CLPX: variants seen among roughly 807,000 people sequenced by gnomAD.
CLPX encodes caseinolytic mitochondrial matrix peptidase chaperone subunit X.
Under a neutral mutation model 76.4 loss-of-function variants are expected in CLPX, and 34 were observed. The observed-to-expected ratio is 0.45, with a 90% confidence interval of 0.34 to 0.59. The LOEUF (loss-of-function observed/expected upper bound fraction) is 0.59. Among genes scored for constraint, CLPX ranks in the 20% least tolerant of loss-of-function variants. CLPX has a pLI of 0.01. For synonymous variants in CLPX, 248 were observed against 270.9 expected (o/e 0.92, Z 0.83); for missense variants, 613 against 757.0 (o/e 0.81, Z 2.23).
At position 65,180,276 on chromosome 15, in the gene CLPX, G is replaced by A; in HGVS notation, c.80-72C>T. ...AATCCCCTGGAAACAAAAATTCCTT[G>A]AGCATAAAGGAGGTTGAAAAAAAGC... On this transcript the variant is annotated intron_variant, in intron 1 of 13. Transcript: ENST00000300107. 4.4e-6 allele frequency: 5 copies of A among 1,139,360 alleles called. No homozygotes were observed. The South Asian group carries it at 5.0e-5, about 11-fold the overall frequency. The allele number at this position is 1,139,360 out of a possible 1,614,324, so 70.6% of individuals were successfully genotyped here.
intron 8 of CLPX, 92 bp downstream of exon 8, chr15:65,157,654 C>T: frequency 8.3e-7 from 1 of 1,203,284 alleles, no homozygotes. Flanking sequence ...GAATTTTAGT[C>T]CTTGACTCAA....
chr15:65,156,804 T>C (rs762441698), intron 9 of CLPX, 40 bp downstream of exon 9: 5 of 1,320,832 alleles, frequency 3.8e-6, no homozygotes, highest in Non-Finnish European at 5.5e-6. Flanking sequence ...ATGTATTCCC[T>C]TCCTTTTAGT....
rs1278939627 is a variant in CLPX, at chr15:65,166,695, G to A, written c.449C>T (p.Pro150Leu). The change falls in exon 4 of 14, where the codon CCT becomes CTT. Residue 150 changes from proline to leucine, a missense_variant. Coordinates refer to ENST00000300107, the MANE Select transcript of CLPX (RefSeq NM_006660.5). ...TTTTACAGCTTCTGCTGCTGATTCA[G>A]GTTCTTTAATTATGCTTTTCTTTGA... ...ADSKKSIIKE[P>L]ESAAEAVKLA... The A allele has an allele frequency of 3.7e-6, 6 of 1,613,898 alleles. No homozygotes were observed. Among genetic ancestry groups the A allele is most frequent in the Non-Finnish European group, 5.1e-6 (6 of 1,179,990 alleles).
In CLPX at chr15:65,154,873, T is replaced by C. The variant is rs141503742; in HGVS notation, c.1520A>G (p.His507Arg). The change falls in exon 11 of 14, where the codon CAT (histidine) becomes CGT (arginine). Residue 507 changes from histidine (H) to arginine (R), a missense_variant. Physicochemically the swap from His to Arg is conservative, Grantham distance 29 (BLOSUM62 0). Coordinates refer to ENST00000300107, the MANE Select transcript of CLPX (RefSeq NM_006660.5). ...TACAAGTGTTTTCTCATCTAGGCTA[T>C]GCAATGGAACCACCACAGGCAACCG... ...VGRLPVVVPL[H>R]SLDEKTLVQI... 1 of 1,614,068 alleles carries C rather than the reference T, an allele frequency of 6.2e-7. No homozygotes were observed. The highest frequency in any genetic ancestry group is 8.5e-7 in the Non-Finnish European group (1 of 1,179,996).
Position 65,166,946 on chromosome 15 carries a change from A to T in CLPX, c.359-161T>A, listed in dbSNP as rs147842216. ...AAACAGCCTCATTTATATAGCAAGT[A>T]TACTACAAAGATAGATCAGTCAACT... On this transcript the variant is annotated intron_variant, in intron 3 of 13. Transcript: ENST00000300107. Among the ~76,000 whole-genome samples the T allele has an allele frequency of 3.9e-3, 587 of 152,374 alleles. 2 individuals are homozygous for T. The highest frequency in any genetic ancestry group is 1.0e-2 in the Admixed American group (153 of 15,306).
Position 65,149,021 on chromosome 15 carries a change from T to C in CLPX, c.*1802A>G, listed in dbSNP as rs1464201698. 1 of 152,200 alleles carries C rather than the reference T, an allele frequency of 6.6e-6. No homozygotes were observed. Among genetic ancestry groups the C allele is most frequent in the Admixed American group, 6.6e-5 (1 of 15,264 alleles). The allele number at this position is 152,200 out of a possible 1,614,324, so 9.4% of individuals were successfully genotyped here. ...AGCAAAACATAGATTTTTTAAAATGTTCTAAGAAGCCAAAGAATTAGACCA... is the reference window on the plus strand; with the variant it reads ...AGCAAAACATAGATTTTTTAAAATGCTCTAAGAAGCCAAAGAATTAGACCA... On this transcript the variant is annotated 3_prime_UTR_variant, in exon 14 of 14. Coordinates refer to ENST00000300107, the MANE Select transcript of CLPX (RefSeq NM_006660.5).
chr15:65,155,926 G>T, intron 9 of CLPX, 70 bp from the exon 10 acceptor site: 3 of 1,312,078 alleles, frequency 2.3e-6, no homozygotes, highest in Non-Finnish European at 3.2e-6. Context: ...TAGACAATAG[G>T]ATTAAATGGG....
chr15:65,175,235 C>T (rs1347507618), intron 3 of CLPX, among the ~76,000 whole-genome samples: 2 of 152,194 alleles, frequency 1.3e-5, no homozygotes, highest in African/African-American at 4.8e-5. Flanking sequence ...CCTGTAATGC[C>T]AGCACTTTGG....
At chr15:65,159,673 T>C (rs538804705) in intron 6 of CLPX, among the ~76,000 whole-genome samples, 172 of 152,258 alleles carry the variant, frequency 1.1e-3, no homozygotes, top group African/African-American at 3.9e-3. Context: ...TAAATCTTTA[T>C]TCTCACTTTC....
At chr15:65,176,397 A>G (rs1056490603) in intron 3 of CLPX, among the ~76,000 whole-genome samples, 11 of 152,188 alleles carry the variant, frequency 7.2e-5, no homozygotes, top group Non-Finnish European at 1.6e-4. Flanking sequence ...GAATTTCTGA[A>G]TAGCAAATCT....
At chr15:65,154,603 C>T (rs1456418276) in intron 11 of CLPX, 179 bp downstream of exon 11, 1 of 554,710 alleles carries the variant, frequency 1.8e-6, no homozygotes, top group East Asian at 3.0e-5. Context: ...AAAATAAAGA[C>T]AACTCCTAAA....
At chr15:65,174,953 T>C (rs1364642305) in intron 3 of CLPX, among the ~76,000 whole-genome samples, 2 of 152,216 alleles carry the variant, frequency 1.3e-5, no homozygotes, top group African/African-American at 4.8e-5. Flanking sequence ...ATGCTATTTA[T>C]ACTTTAAAAA....
intron 3 of CLPX, among the ~76,000 whole-genome samples, chr15:65,167,955 T>G (rs1025145898): frequency 6.6e-6 from 1 of 151,910 alleles, no homozygotes; most frequent in African/African-American, 2.4e-5. Context: ...AGTTCCTATT[T>G]CTCTGATCAA....
intron 1 of CLPX, among the ~76,000 whole-genome samples, chr15:65,181,527 TG>T (rs753106548): frequency 1.5e-4 from 23 of 148,496 alleles, no homozygotes; most frequent in Non-Finnish European, 2.5e-4. Flanking sequence ...TTGAGGTGGG[TG>T]GATCACTTGA....
chr15:65,185,049 G>A (rs905520206), intron 1 of CLPX, 26 bp downstream of exon 1: 6 of 1,550,852 alleles, frequency 3.9e-6, no homozygotes, highest in Admixed American at 3.9e-5. Context: ...CAGGCTGAGG[G>A]CTCAGGAGTG....
At chr15:65,158,514 T>C (rs2087817502) in intron 7 of CLPX, 61 bp downstream of exon 7, 8 of 1,386,920 alleles carry the variant, frequency 5.8e-6, no homozygotes, top group South Asian at 5.2e-5. Context: ...ATACAGGTTA[T>C]AGAATCATTT....
In CLPX at chr15:65,158,107, A is replaced by G. The variant is rs376460068; in HGVS notation, c.893-197T>C. ...GGAGTGCAGCCTGTGATCATGGCTC[A>G]CTCCAGCCTCAATCTCCTGGGCTTA... On this transcript the variant is annotated intron_variant, in intron 7 of 13. Transcript: ENST00000300107. 639 of 461,760 alleles carry G rather than the reference A, an allele frequency of 1.4e-3. 4 individuals are homozygous for G. The highest frequency in any genetic ancestry group is 0.012 in the African/African-American group (587 of 49,194). The allele number at this position is 461,760 out of a possible 1,614,324, so 28.6% of individuals were successfully genotyped here. A position where few individuals can be genotyped will look rare whatever the true frequency, so the allele number is the denominator to read the frequency against.
intron 3 of CLPX, among the ~76,000 whole-genome samples, chr15:65,176,749 C>T (rs2088096165): frequency 6.6e-6 from 1 of 151,874 alleles, no homozygotes; most frequent in Non-Finnish European, 1.5e-5. Flanking sequence ...GTGCCCGCCA[C>T]CACGCCCAGC....
At chr15:65,151,014 C>G in intron 13 of CLPX, 101 bp from the exon 14 acceptor site, 1 of 730,392 alleles carries the variant, frequency 1.4e-6, no homozygotes, top group Non-Finnish European at 2.3e-6. Flanking sequence ...GCTAAGAAAG[C>G]CACGATAATA....
Sources: allele counts gnomAD v4.1 joint callset (sites outside exome capture counted in the v4.1 genomes callset), GRCh38; gene constraint gnomAD v4.1.1; transcripts MANE v1.5; gene names NCBI Gene and HGNC (gene_info 2026-07-23, HGNC 2026-07-21).